EPM2A: variants seen among roughly 807,000 people sequenced by gnomAD.
EPM2A encodes the protein laforin.
A neutral mutation model predicts 26.5 loss-of-function variants in EPM2A; 21 were observed. The observed-to-expected ratio is 0.79, with a 90% CI of 0.56 to 1.14. The LOEUF is 1.14. EPM2A is among the 50% of genes most tolerant of loss of function. The pLI is 0.00. For missense variants in EPM2A, 458 were observed against 440.8 expected, an observed-to-expected ratio of 1.04 and a Z score of -0.35; for synonymous variants, 217 against 177.6, an observed-to-expected ratio of 1.22 and a Z score of -1.76.
intron 2 of EPM2A, among the ~76,000 whole-genome samples, chr6:145,663,438 C>T (rs1339133171): frequency 6.6e-6 from 1 of 152,218 alleles, no homozygotes; most frequent in East Asian, 1.9e-4. Flanking sequence ...GAGGCATTGC[C>T]TCACCTGGGA....
intron 4 of EPM2A, among the ~76,000 whole-genome samples, chr6:145,414,025 A>T (rs971062729): frequency 6.6e-6 from 1 of 152,064 alleles, no homozygotes; most frequent in Non-Finnish European, 1.5e-5. Context: ...AGTTTACTTG[A>T]CTGGTACTGC....
chr6:145,723,778 T>C (rs1243535692), intron 1 of EPM2A, among the ~76,000 whole-genome samples: 1 of 152,054 alleles, frequency 6.6e-6, no homozygotes, highest in Non-Finnish European at 1.5e-5. Flanking sequence ...ACTCTCACAT[T>C]TGGGGAGAAC....
chr6:145,510,351 G>A (rs1373235231), intron 2 of EPM2A, among the ~76,000 whole-genome samples: 1 of 151,996 alleles, frequency 6.6e-6, no homozygotes, highest in African/African-American at 2.4e-5. Context: ...CATAAAGCAA[G>A]TCCTCATGAA....
intron 4 of EPM2A, among the ~76,000 whole-genome samples, chr6:145,402,056 G>T (rs1250758786): frequency 6.6e-6 from 1 of 152,106 alleles, no homozygotes; most frequent in Non-Finnish European, 1.5e-5. Context: ...TAGTGGGTGA[G>T]TGTGGGGAAT....
At chr6:145,431,737 A>T (rs1444184059) in intron 4 of EPM2A, among the ~76,000 whole-genome samples, 1 of 152,168 alleles carries the variant, frequency 6.6e-6, no homozygotes. Flanking sequence ...TAATTTCTTA[A>T]AATAAGACAA....
intron 2 of EPM2A, among the ~76,000 whole-genome samples, chr6:145,526,341 G>T (rs1780273105): frequency 6.6e-6 from 1 of 151,900 alleles, no homozygotes; most frequent in African/African-American, 2.4e-5. Flanking sequence ...TCAGTTTTTT[G>T]GAAGTTTCAG....
chr6:145,505,366 T>C (rs1426447208), intron 2 of EPM2A, among the ~76,000 whole-genome samples: 2 of 152,066 alleles, frequency 1.3e-5, no homozygotes, highest in African/African-American at 4.8e-5. Flanking sequence ...TATATGTGCT[T>C]TATTTTTCTC....
intron 4 of EPM2A, among the ~76,000 whole-genome samples, chr6:145,402,272 G>T (rs1464212416): frequency 1.3e-5 from 2 of 152,066 alleles, no homozygotes; most frequent in South Asian, 2.1e-4. Flanking sequence ...TGGAATTTCT[G>T]CCAGAAACAT....
chr6:145,444,160 A>C (rs1264911113), intron 4 of EPM2A, among the ~76,000 whole-genome samples: 2 of 152,080 alleles, frequency 1.3e-5, no homozygotes, highest in Non-Finnish European at 2.9e-5. Context: ...GCATGAGTGG[A>C]CATCTTTGAC....
chr6:145,426,576 C>T (rs1372216878), intron 4 of EPM2A, among the ~76,000 whole-genome samples: 1 of 152,038 alleles, frequency 6.6e-6, no homozygotes, highest in Non-Finnish European at 1.5e-5. Context: ...TCCTTATAAT[C>T]ATGAGGAAGA....
chr6:145,393,460 G>A (rs915356082), intron 4 of EPM2A, among the ~76,000 whole-genome samples: 1 of 151,930 alleles, frequency 6.6e-6, no homozygotes, highest in African/African-American at 2.4e-5. Context: ...TCATCATAAA[G>A]AAAACTAATT....
chr6:145,422,433 G>A (rs1257150601), intron 4 of EPM2A, among the ~76,000 whole-genome samples: 1 of 149,452 alleles, frequency 6.7e-6, no homozygotes, highest in Non-Finnish European at 1.5e-5. Flanking sequence ...CTTTATCAAA[G>A]AATTTCTCCT....
Position 145,680,853 on chromosome 6 carries a change from C to T in EPM2A, c.476+5269G>A, listed in dbSNP as rs1422935060. On this transcript the variant is annotated intron_variant, in intron 2 of 3. Coordinates refer to ENST00000367519, the MANE Select transcript of EPM2A (RefSeq NM_005670.4). ...TGTGAATAGTGCCGCTATAAACATA[C>T]GTGTGCATGTGTCTTTATAGCAGCA... is the stretch of plus-strand genomic sequence containing the variant. Among the ~76,000 whole-genome samples, 15 of 152,048 alleles carry T rather than the reference C, an allele frequency of 9.9e-5. No individual in the cohort carries two copies. The South Asian group carries it at 1.0e-3, about 11-fold the overall frequency.
rs769177120 is a variant in EPM2A, at chr6:145,627,516, T to C, written c.896A>G (p.Lys299Arg). 1.5e-5 allele frequency: 25 copies of C among 1,614,146 alleles called. No individual in the cohort carries two copies. The South Asian group carries it at 2.5e-4, about 16-fold the overall frequency. ...LRKVQYFLMAKRPAVYIDEEA... is the reference protein window; with the variant it reads ...LRKVQYFLMARRPAVYIDEEA... ...TTCGTCAATGTAGACAGCCGGCCTC[T>C]TGGCCATGAGGAAATACTGCACCTT... Residue 299 changes from lysine to arginine, a missense_variant, in exon 4 of 4, where the codon AAG becomes AGG. By Grantham distance (26) the Lys-to-Arg change is conservative. Transcript: ENST00000367519.
chr6:145,563,898 G>A (rs1780844106), intron 2 of EPM2A, among the ~76,000 whole-genome samples: 1 of 152,120 alleles, frequency 6.6e-6, no homozygotes, highest in Non-Finnish European at 1.5e-5. Flanking sequence ...TATATATGCA[G>A]TTCTCCCTTG....
At chr6:145,449,480 A>T (rs981115838) in intron 4 of EPM2A, among the ~76,000 whole-genome samples, 2 of 152,204 alleles carry the variant, frequency 1.3e-5, no homozygotes, top group African/African-American at 4.8e-5. Flanking sequence ...ATCATGTGGT[A>T]GCATCTTTTA....
chr6:145,486,582 G>A (rs767435406), intron 4 of EPM2A, among the ~76,000 whole-genome samples: 5 of 151,916 alleles, frequency 3.3e-5, no homozygotes, highest in Non-Finnish European at 7.4e-5. Context: ...TGTATCCTTT[G>A]ACCTACTTCT....
At chr6:145,404,559 A>G (rs1778541072) in intron 4 of EPM2A, among the ~76,000 whole-genome samples, 1 of 152,042 alleles carries the variant, frequency 6.6e-6, no homozygotes, top group African/African-American at 2.4e-5. Context: ...AGGAATCCTG[A>G]AGTATTGTCC....
At chr6:145,399,150 T>C (rs1778448277) in intron 4 of EPM2A, among the ~76,000 whole-genome samples, 1 of 152,312 alleles carries the variant, frequency 6.6e-6, no homozygotes, top group South Asian at 2.1e-4. Flanking sequence ...TACAATGTCA[T>C]GTAAATGGAT....
Sources: gnomAD v4.1 joint callset for allele counts (sites outside exome capture counted in the v4.1 genomes callset) on GRCh38, gnomAD v4.1.1 for gene constraint, MANE v1.5 for transcripts, NCBI Gene and HGNC (gene_info 2026-07-23, HGNC 2026-07-21) for gene names.